Variants in GALNT14 observed in about 807,000 individuals in gnomAD.
The protein encoded by GALNT14 is polypeptide N-acetylgalactosaminyltransferase 14.
In GALNT14, 60 loss-of-function variants were observed where a neutral mutation model predicts 77.5. The ratio of observed to expected loss-of-function variants is 0.77; its 90% CI spans 0.63 to 0.96. The LOEUF (loss-of-function observed/expected upper bound fraction) is 0.96, where lower values mean the gene tolerates loss of function less well. GALNT14 is among the 40% of genes least tolerant of loss of function. The pLI, the probability that GALNT14 is intolerant of heterozygous loss-of-function variation, is 0.00. For missense variants in GALNT14, 710 were observed against 731.0 expected (o/e 0.97, Z 0.33); for synonymous variants, 280 against 281.7 (o/e 0.99, Z 0.06).
chr2:30,912,655 C>A (rs1468976644), intron 13 of GALNT14, among the ~76,000 whole-genome samples: 1 of 152,200 alleles, frequency 6.6e-6, no homozygotes, highest in Non-Finnish European at 1.5e-5. Context: ...GAGCTGTGTG[C>A]TCCACAGTTT....
rs142606595 is a variant in GALNT14, at chr2:30,955,593, G to A, written c.654+25C>T. The A allele has an allele frequency of 9.3e-5, 150 of 1,610,026 alleles. 1 individual carries two copies. In the African/African-American group the frequency reaches 1.6e-3, roughly 17 times the overall value. ...TGGAGAAAGCTGGGGCACGAGGCCC[G>A]GCCCTGCTCCTCAGCCTCACTCACC... On this transcript the variant is annotated intron_variant, in intron 6 of 14. Coordinates refer to ENST00000349752, the MANE Select transcript of GALNT14 (RefSeq NM_024572.4).
At chr2:30,903,562 G>A in the GALNT14 span, among the ~76,000 whole-genome samples, 10 of 152,210 alleles carry the variant, frequency 6.6e-5, no homozygotes, top group Middle Eastern at 3.2e-3. Context: ...AACAGCCTGC[G>A]AGGAACCAAA....
chr2:30,997,186 C>T (rs1670088843), intron 1 of GALNT14, among the ~76,000 whole-genome samples: 2 of 152,092 alleles, frequency 1.3e-5, no homozygotes, highest in South Asian at 2.1e-4. Context: ...AGAAGCATCT[C>T]CTCTACTGAG....
chr2:30,893,692 G>T, the GALNT14 span, among the ~76,000 whole-genome samples: 1 of 152,082 alleles, frequency 6.6e-6, no homozygotes, highest in African/African-American at 2.4e-5. Flanking sequence ...GTGAAGGATG[G>T]CTGTCTCTGG....
chr2:31,063,187 T>G (rs1303504044), intron 1 of GALNT14, among the ~76,000 whole-genome samples: 1 of 152,238 alleles, frequency 6.6e-6, no homozygotes, highest in Non-Finnish European at 1.5e-5. Flanking sequence ...GTTTTTATGG[T>G]TTTAGGTTTC....
At chr2:30,992,354 G>A (rs1359697110) in intron 2 of GALNT14, among the ~76,000 whole-genome samples, 1 of 152,138 alleles carries the variant, frequency 6.6e-6, no homozygotes, top group East Asian at 1.9e-4. Flanking sequence ...ATGGCAAGCT[G>A]GCTCCTCTTC....
chr2:30,937,903 G>A (rs1170351447), intron 9 of GALNT14, among the ~76,000 whole-genome samples: 1 of 152,172 alleles, frequency 6.6e-6, no homozygotes, highest in East Asian at 1.9e-4. Flanking sequence ...GTGAGGTGAA[G>A]TAACTTTCCC....
the GALNT14 span, among the ~76,000 whole-genome samples, chr2:30,889,009 A>T: frequency 6.6e-6 from 1 of 151,580 alleles, no homozygotes; most frequent in South Asian, 2.1e-4. Flanking sequence ...CTGGGGCCAG[A>T]ATCACGAAGA....
rs1573223559 is a variant in GALNT14, at chr2:31,041,150, T to A, written c.130-48143A>T. On this transcript the variant is annotated intron_variant, in intron 1 of 14. Transcript: ENST00000349752. ...AAGAACAGGGACCTTCATACAGCCA[T>A]TGGCACATTTTTATGAAGCACTCAC... 2.0e-5 allele frequency among the ~76,000 whole-genome samples: 3 copies of A among 152,182 alleles called. No homozygotes were observed. The South Asian group carries it at 6.2e-4, about 32-fold the overall frequency.
At chr2:30,984,076 G>C (rs1669151635) in intron 2 of GALNT14, among the ~76,000 whole-genome samples, 1 of 152,172 alleles carries the variant, frequency 6.6e-6, no homozygotes, top group Non-Finnish European at 1.5e-5. Context: ...GCTCAGTCTG[G>C]AAACCCAGCA....
the GALNT14 span, among the ~76,000 whole-genome samples, chr2:30,897,619 C>T: frequency 1.3e-5 from 2 of 152,180 alleles, no homozygotes; most frequent in African/African-American, 2.4e-5. Context: ...GCCTCCAGGT[C>T]CTTTTGTGGT....
chr2:30,995,769 G>C (rs528056982), intron 1 of GALNT14, among the ~76,000 whole-genome samples: 1 of 152,206 alleles, frequency 6.6e-6, no homozygotes, highest in African/African-American at 2.4e-5. Flanking sequence ...CAAAGTGCTG[G>C]GATTACAGGG....
At chr2:30,906,605 T>C (rs2148186647), downstream of GALNT14, among the ~76,000 whole-genome samples, 1 of 151,118 alleles carries the variant, frequency 6.6e-6, no homozygotes, top group East Asian at 2.0e-4. Flanking sequence ...CACACATTAA[T>C]AATGGGAGAC....
At chr2:30,989,678 A>AAAATATATATATTAGTATATAT (rs1558471438) in intron 2 of GALNT14, among the ~76,000 whole-genome samples, 73 of 108,326 alleles carry the variant, frequency 6.7e-4, no homozygotes, top group African/African-American at 2.5e-3. Context: ...TAGTATATAT[A>AAAATATATATATTAGTATATAT]AAAAATATAT....
chr2:31,123,181 CAAAAA>C (rs11397679), intron 1 of GALNT14, among the ~76,000 whole-genome samples: 4 of 96,866 alleles, frequency 4.1e-5, no homozygotes, highest in East Asian at 5.9e-4. Flanking sequence ...GACTCCATCT[CAAAAA>C]AAAAAAAAAA....
chr2:31,000,435 CTGTGTGTG>C lies in GALNT14; in HGVS notation c.130-7436_130-7429del, dbSNP rs3223043. 2.0e-3 allele frequency among the ~76,000 whole-genome samples: 297 copies of C among 146,070 alleles called. 2 individuals carry two copies. Among genetic ancestry groups the C allele is most frequent in the African/African-American group, 6.4e-3 (254 of 39,570 alleles). ...GGGTTCTACAGAAAAATATCACCAA[CTGTGTGTG>C]TGTGTGTGTGTGTGTGTGTGTGTGT... On this transcript the variant is annotated intron_variant, in intron 1 of 14. Transcript: ENST00000349752.
intron 1 of GALNT14, among the ~76,000 whole-genome samples, chr2:31,040,821 T>C (rs1430353457): frequency 1.3e-5 from 2 of 152,208 alleles, no homozygotes; most frequent in African/African-American, 4.8e-5. Context: ...ATGTGACATT[T>C]CTTGCACCCT....
chr2:31,068,453 C>G (rs1158567777), intron 1 of GALNT14, among the ~76,000 whole-genome samples: 1 of 149,152 alleles, frequency 6.7e-6, no homozygotes, highest in East Asian at 2.0e-4. Context: ...CGCCACTGCA[C>G]TCCAGAGATC....
intron 2 of GALNT14, among the ~76,000 whole-genome samples, chr2:30,977,692 G>C (rs1668721896): frequency 6.6e-6 from 1 of 152,094 alleles, no homozygotes; most frequent in African/African-American, 2.4e-5. Context: ...GGAATGGTCT[G>C]TTTGAGGGTC....
Sources: gnomAD v4.1 joint callset for allele counts (sites outside exome capture counted in the v4.1 genomes callset) on GRCh38, gnomAD v4.1.1 for gene constraint, MANE v1.5 for transcripts, NCBI Gene and HGNC (gene_info 2026-07-23, HGNC 2026-07-21) for gene names.